Variants in GRM5 observed in about 807,000 individuals in gnomAD.
GRM5 encodes the protein glutamate metabotropic receptor 5, also known as metabotropic glutamate receptor 5.
A neutral mutation model predicts 83.1 loss-of-function variants in GRM5; 19 were observed. The ratio of observed to expected loss-of-function variants is 0.23; its 90% CI spans 0.16 to 0.34. The LOEUF (loss-of-function observed/expected upper bound fraction) is 0.34. GRM5 is among the 10% of genes least tolerant of loss of function. GRM5 has a pLI of 1.00. For missense variants in GRM5, 1,160 were observed against 1,588.3 expected (o/e 0.73, Z 4.58); for synonymous variants, 675 against 633.6 (o/e 1.07, Z -0.98).
intron 2 of GRM5, among the ~76,000 whole-genome samples, chr11:88,851,498 G>A (rs1164151884): frequency 6.6e-6 from 1 of 152,124 alleles, no homozygotes; most frequent in Non-Finnish European, 1.5e-5. Context: ...TTTGATTTTG[G>A]GAAAGTCAGT....
Position 88,509,309 on chromosome 11 carries a change from C to G in GRM5, c.2922G>C (p.Val974=), listed in dbSNP as rs765558790. 1 of 1,567,872 alleles carries G rather than the reference C, an allele frequency of 6.4e-7. No individual in the cohort carries two copies. The highest frequency in any genetic ancestry group is 8.6e-7 in the Non-Finnish European group (1 of 1,159,922). ...CGCAGCCCGCACCGCCCGTGGCCCCCACGCCCCCAGCGCTCCCGCCTGCGC... is the reference window on the plus strand; with the variant it reads ...CGCAGCCCGCACCGCCCGTGGCCCCGACGCCCCCAGCGCTCCCGCCTGCGC... ...GAGAGGSAGG[V]GATGGAGCAG... The change falls in exon 10 of 10, where the codon GTG becomes GTC. Residue 974 remains valine, a synonymous_variant. Coordinates refer to ENST00000305447, the MANE Select transcript of GRM5 (RefSeq NM_001143831.3).
chr11:88,937,901 C>A (rs769646992), intron 2 of GRM5, among the ~76,000 whole-genome samples: 25 of 151,576 alleles, frequency 1.6e-4, no homozygotes, highest in Non-Finnish European at 3.0e-4. Flanking sequence ...TCTAAAGAGG[C>A]AAACAGTTGT....
At chr11:89,002,912 T>A (rs1322073689) in intron 2 of GRM5, among the ~76,000 whole-genome samples, 1 of 152,126 alleles carries the variant, frequency 6.6e-6, no homozygotes, top group Admixed American at 6.6e-5. Flanking sequence ...CCTTATCTAA[T>A]ATTCAATTTA....
intron 3 of GRM5, among the ~76,000 whole-genome samples, chr11:88,785,812 G>A (rs1195234868): frequency 4.6e-5 from 7 of 152,078 alleles, no homozygotes; most frequent in African/African-American, 1.7e-4. Context: ...AGCAACAATA[G>A]TAGTGACTAT....
chr11:88,685,908 G>A (rs1250639311), intron 3 of GRM5, among the ~76,000 whole-genome samples: 4 of 152,212 alleles, frequency 2.6e-5, no homozygotes, highest in African/African-American at 7.2e-5. Context: ...GGGTGCTCAT[G>A]GAGAACCTCT....
At chr11:88,784,616 G>A (rs1315820430) in intron 3 of GRM5, among the ~76,000 whole-genome samples, 1 of 151,982 alleles carries the variant, frequency 6.6e-6, no homozygotes, top group Non-Finnish European at 1.5e-5. Flanking sequence ...CTTCATCGGT[G>A]TATTCTATCC....
chr11:88,746,789 A>G (rs1206522778), intron 3 of GRM5, among the ~76,000 whole-genome samples: 1 of 152,172 alleles, frequency 6.6e-6, no homozygotes, highest in Non-Finnish European at 1.5e-5. Context: ...GAAAAAAAGT[A>G]GCATGTAAGA....
At chr11:88,959,678 T>C (rs530325043) in intron 2 of GRM5, among the ~76,000 whole-genome samples, 33 of 152,192 alleles carry the variant, frequency 2.2e-4, no homozygotes, top group African/African-American at 6.5e-4. Flanking sequence ...CACATAACAG[T>C]TTCACCTCTT....
chr11:88,781,131 A>G (rs1248771967), intron 3 of GRM5, among the ~76,000 whole-genome samples: 2,354 of 14,888 alleles, frequency 0.16, 79 homozygotes, highest in Admixed American at 0.38. Flanking sequence ...ATATATGTAT[A>G]TATATATATA....
At chr11:88,601,656 G>T (rs1938002111) in intron 5 of GRM5, among the ~76,000 whole-genome samples, 1 of 152,044 alleles carries the variant, frequency 6.6e-6, no homozygotes, top group Admixed American at 6.6e-5. Context: ...TAATGTTTTA[G>T]TTTTTTGCTT....
At chr11:88,841,077 T>C (rs147499121) in intron 3 of GRM5, among the ~76,000 whole-genome samples, 2 of 152,172 alleles carry the variant, frequency 1.3e-5, no homozygotes, top group African/African-American at 4.8e-5. Context: ...TAAACCTGAC[T>C]GTATTGTCAA....
chr11:88,665,266 T>C (rs1470848430), intron 3 of GRM5, among the ~76,000 whole-genome samples: 1 of 151,690 alleles, frequency 6.6e-6, no homozygotes, highest in Non-Finnish European at 1.5e-5. Flanking sequence ...AACCATTAAA[T>C]TAATATTCTG....
chr11:89,058,931 AATGAT>A (rs1362652153), intron 1 of GRM5, among the ~76,000 whole-genome samples: 3 of 152,290 alleles, frequency 2.0e-5, no homozygotes, highest in East Asian at 3.9e-4. Context: ...TTTTTAAACA[AATGAT>A]ATAATAGTGT....
intron 2 of GRM5, among the ~76,000 whole-genome samples, chr11:88,888,637 C>G (rs895577712): frequency 6.6e-6 from 1 of 151,888 alleles, no homozygotes; most frequent in African/African-American, 2.4e-5. Flanking sequence ...TTTTTTTTTA[C>G]TAGTTGGGTT....
At chr11:88,803,692 A>C (rs976514752) in intron 3 of GRM5, among the ~76,000 whole-genome samples, 2 of 152,192 alleles carry the variant, frequency 1.3e-5, no homozygotes, top group Non-Finnish European at 2.9e-5. Context: ...AATGGGATCT[A>C]ATTAAACTAA....
chr11:88,577,434 C>A (rs1487610028), intron 7 of GRM5, among the ~76,000 whole-genome samples: 1 of 152,124 alleles, frequency 6.6e-6, no homozygotes, highest in East Asian at 1.9e-4. Flanking sequence ...TCACACAGCA[C>A]AGCTACAGCA....
At chr11:88,556,700 T>A (rs1290069403) in intron 8 of GRM5, among the ~76,000 whole-genome samples, 1 of 152,098 alleles carries the variant, frequency 6.6e-6, no homozygotes, top group Non-Finnish European at 1.5e-5. Context: ...TTGTCCTTAT[T>A]TTCTAGAGGC....
intron 3 of GRM5, among the ~76,000 whole-genome samples, chr11:88,670,100 C>A (rs1203934426): frequency 6.6e-6 from 1 of 151,838 alleles, no homozygotes; most frequent in Non-Finnish European, 1.5e-5. Flanking sequence ...GTCCCACATG[C>A]ATACAGAGAC....
intron 2 of GRM5, among the ~76,000 whole-genome samples, chr11:88,948,562 G>A (rs928976041): frequency 1.2e-4 from 19 of 152,138 alleles, no homozygotes; most frequent in South Asian, 4.1e-4. Flanking sequence ...CTAACCTGGC[G>A]AAATGCAAGG....
Sources: gnomAD v4.1 joint callset for allele counts (sites outside exome capture counted in the v4.1 genomes callset) on GRCh38, gnomAD v4.1.1 for gene constraint, MANE v1.5 for transcripts, NCBI Gene and HGNC (gene_info 2026-07-23, HGNC 2026-07-21) for gene names.